Variants in ROBO2 observed in about 807,000 individuals in gnomAD.
ROBO2 encodes roundabout homolog 2.
Under a neutral mutation model 160.8 loss-of-function variants are expected in ROBO2, and 53 were observed. The ratio of observed to expected loss-of-function variants is 0.33; its 90% confidence interval spans 0.26 to 0.41. The LOEUF is 0.41. Ranked by LOEUF, ROBO2 falls within the 10% of genes least tolerant of loss-of-function variation. ROBO2 has a pLI of 1.00. For missense variants in ROBO2, 1,577 were observed against 1,722.4 expected (o/e 0.92, Z 1.49); for synonymous variants, 664 against 611.7 (o/e 1.09, Z -1.26).
chr3:76,901,788 T>C (rs9842888), intron 2 of ROBO2, among the ~76,000 whole-genome samples: 2,310 of 152,076 alleles, frequency 0.015, 51 homozygotes, highest in African/African-American at 0.053. Context: ...CATGTTCATA[T>C]ATGCAACTAA....
At chr3:76,462,124 G>A (rs2078117971) in intron 2 of ROBO2, among the ~76,000 whole-genome samples, 1 of 152,128 alleles carries the variant, frequency 6.6e-6, no homozygotes, top group Admixed American at 6.6e-5. Context: ...CAGCCTGGCT[G>A]AATCCACTTG....
chr3:77,434,459 C>T (rs1165740978), intron 2 of ROBO2, among the ~76,000 whole-genome samples: 2 of 152,126 alleles, frequency 1.3e-5, no homozygotes, highest in Non-Finnish European at 2.9e-5. Flanking sequence ...GTTTCCATCT[C>T]CTAACACAAC....
intron 6 of ROBO2, among the ~76,000 whole-genome samples, chr3:77,523,406 G>T (rs2153628774): frequency 6.6e-6 from 1 of 151,304 alleles, no homozygotes; most frequent in East Asian, 1.9e-4. Flanking sequence ...CTCCAGCCTT[G>T]AGATAATCTG....
At chr3:76,841,024 G>A (rs2068207467) in intron 2 of ROBO2, among the ~76,000 whole-genome samples, 1 of 152,086 alleles carries the variant, frequency 6.6e-6, no homozygotes, top group African/African-American at 2.4e-5. Flanking sequence ...TTGTACTACT[G>A]TAGATTTCCA....
At position 77,109,926 on chromosome 3, in the gene ROBO2, A is replaced by G. The variant is rs558032256; in HGVS notation, c.388+11586A>G. 1.4e-4 allele frequency among the ~76,000 whole-genome samples: 21 copies of G among 152,350 alleles called. No homozygotes were observed. In the South Asian group the frequency reaches 2.5e-3, roughly 18 times the overall value. Reference sequence around the variant, plus strand: ...ACAGTTATTCAATTGTATAAATACAATGATGACCCCTGGAATAGGTGAAGT... The same window carrying G: ...ACAGTTATTCAATTGTATAAATACAGTGATGACCCCTGGAATAGGTGAAGT... On this transcript the variant is annotated intron_variant, in intron 2 of 25. Coordinates refer to ENST00000461745, the Ensembl canonical transcript of ROBO2.
intron 6 of ROBO2, among the ~76,000 whole-genome samples, chr3:77,528,433 C>G (rs1178507985): frequency 6.6e-6 from 1 of 151,528 alleles, no homozygotes. Flanking sequence ...ACATTTTTCC[C>G]CCTTCGGTTG....
intron 2 of ROBO2, among the ~76,000 whole-genome samples, chr3:76,604,639 A>G (rs1301151948): frequency 1.3e-5 from 2 of 152,140 alleles, no homozygotes; most frequent in Non-Finnish European, 2.9e-5. Flanking sequence ...TAATAATTAG[A>G]TCTGGACCAA....
intron 2 of ROBO2, among the ~76,000 whole-genome samples, chr3:76,260,940 G>A (rs985209664): frequency 1.3e-5 from 2 of 151,890 alleles, no homozygotes; most frequent in Non-Finnish European, 2.9e-5. Flanking sequence ...TCATAAAATA[G>A]GATATAAGGA....
intron 1 of ROBO2, among the ~76,000 whole-genome samples, chr3:77,064,571 G>A (rs993067643): frequency 3.3e-5 from 5 of 151,550 alleles, no homozygotes; most frequent in Non-Finnish European, 5.9e-5. Context: ...ATATTGGCCC[G>A]GCTGGTCTTG....
At chr3:76,555,358 G>GAGT (rs2083650628) in intron 2 of ROBO2, among the ~76,000 whole-genome samples, 1 of 57,932 alleles carries the variant, frequency 1.7e-5, no homozygotes, top group Admixed American at 2.0e-4. Context: ...AGTAGGAAGA[G>GAGT]AGAAGAAGAA....
intron 1 of ROBO2, among the ~76,000 whole-genome samples, chr3:77,080,185 G>A (rs555008778): frequency 2.0e-5 from 3 of 152,138 alleles, no homozygotes; most frequent in East Asian, 1.9e-4. Context: ...TTCCTACCTC[G>A]CTGTGTCTGT....
chr3:77,408,554 G>T, intron 2 of ROBO2, among the ~76,000 whole-genome samples: 1 of 151,968 alleles, frequency 6.6e-6, no homozygotes, highest in East Asian at 1.9e-4. Flanking sequence ...AACTTACATG[G>T]GTAAAATCTC....
At chr3:77,415,587 C>G (rs2077150998) in intron 2 of ROBO2, among the ~76,000 whole-genome samples, 1 of 152,190 alleles carries the variant, frequency 6.6e-6, no homozygotes, top group South Asian at 2.1e-4. Flanking sequence ...CGCCACTGGG[C>G]TCATTCCACC....
intron 2 of ROBO2, among the ~76,000 whole-genome samples, chr3:76,640,596 AGTGTGTGTGTGT>A (rs59208285): frequency 1.4e-5 from 2 of 147,056 alleles, no homozygotes; most frequent in Non-Finnish European, 3.0e-5. Context: ...TTTGCGTGTG[AGTGTGTGTGTGT>A]GTGTGTGTGT....
At chr3:76,714,271 T>C (rs1275771586) in intron 2 of ROBO2, among the ~76,000 whole-genome samples, 3 of 152,258 alleles carry the variant, frequency 2.0e-5, no homozygotes, top group African/African-American at 7.2e-5. Flanking sequence ...CTGGTGTTCA[T>C]TGGGAGGGAA....
At chr3:77,128,221 C>T (rs2075523341) in intron 2 of ROBO2, among the ~76,000 whole-genome samples, 1 of 152,118 alleles carries the variant, frequency 6.6e-6, no homozygotes, top group Non-Finnish European at 1.5e-5. Context: ...CCTCCTAGAG[C>T]TTATATTCTC....
chr3:75,991,095 C>T (rs1475497918), intron 2 of ROBO2, among the ~76,000 whole-genome samples: 1 of 152,170 alleles, frequency 6.6e-6, no homozygotes, highest in Non-Finnish European at 1.5e-5. Context: ...TTTCAGACAT[C>T]AGATGGTGGG....
intron 2 of ROBO2, among the ~76,000 whole-genome samples, chr3:77,236,420 GAA>G (rs2087988111): frequency 6.6e-6 from 1 of 152,162 alleles, no homozygotes; most frequent in African/African-American, 2.4e-5. Flanking sequence ...CCTGAAATCT[GAA>G]AGAGAGGAGG....
At chr3:76,447,228 G>A (rs1183139211) in intron 2 of ROBO2, among the ~76,000 whole-genome samples, 3 of 152,118 alleles carry the variant, frequency 2.0e-5, no homozygotes, top group Non-Finnish European at 4.4e-5. Flanking sequence ...AAAAGCGGGT[G>A]AAGGATATGA....
Sources: allele counts gnomAD v4.1 joint callset (sites outside exome capture counted in the v4.1 genomes callset), GRCh38; gene constraint gnomAD v4.1.1; transcripts MANE v1.5; gene names NCBI Gene and HGNC (gene_info 2026-07-23, HGNC 2026-07-21).